Variants in GAREM1 observed in about 807,000 individuals in gnomAD.
GAREM1 encodes the protein GRB2 associated regulator of MAPK1 subtype 1, also known as GRB2-associated and regulator of MAPK protein 1.
A neutral mutation model predicts 71.3 loss-of-function variants in GAREM1; 26 were observed. That is an observed-to-expected ratio of 0.36 (90% CI 0.27 to 0.51). The LOEUF is 0.51. Among genes scored for constraint, GAREM1 ranks in the 20% least tolerant of loss-of-function variants. GAREM1 has a pLI of 0.95. For synonymous variants in GAREM1, 440 were observed against 433.2 expected, an observed-to-expected ratio of 1.02 and a Z score of -0.20; for missense variants, 1,026 against 1,103.1, an observed-to-expected ratio of 0.93 and a Z score of 0.99.
At chr18:32,291,231 G>T (rs553292375) in intron 3 of GAREM1, among the ~76,000 whole-genome samples, 1 of 143,326 alleles carries the variant, frequency 7.0e-6, no homozygotes, top group South Asian at 2.2e-4. Flanking sequence ...AAAATAAAGT[G>T]CAAAAAAAGT....
At chr18:32,315,459 T>C (rs972561058) in intron 2 of GAREM1, among the ~76,000 whole-genome samples, 3 of 147,070 alleles carry the variant, frequency 2.0e-5, no homozygotes, top group Non-Finnish European at 4.5e-5. Context: ...TAAAAGTATA[T>C]ATATAAATAT....
chr18:32,409,445 T>C (rs988927979), intron 1 of GAREM1, among the ~76,000 whole-genome samples: 2 of 152,192 alleles, frequency 1.3e-5, no homozygotes, highest in Admixed American at 6.5e-5. Context: ...CTACATTTTA[T>C]AGTTTACTGT....
In GAREM1 at chr18:32,297,858, A is replaced by G. The variant is rs77631284; in HGVS notation, c.394-9655T>C. Among the ~76,000 whole-genome samples the G allele has an allele frequency of 5.7e-3, 868 of 152,356 alleles. 34 individuals carry two copies. Among genetic ancestry groups the G allele is most frequent in the East Asian group, 0.048 (251 of 5,194 alleles). On this transcript the variant is annotated intron_variant, in intron 3 of 5. Transcript: ENST00000269209. ...ATGGAGACAGGGATAAGATGCAGAC[A>G]GGGATCCGGAAACAAAAAATGTGTT...
At chr18:32,322,697 C>A (rs1034023410) in intron 2 of GAREM1, among the ~76,000 whole-genome samples, 1 of 152,128 alleles carries the variant, frequency 6.6e-6, no homozygotes, top group African/African-American at 2.4e-5. Context: ...CAGAAGGTGC[C>A]TAATAAATGA....
intron 2 of GAREM1, among the ~76,000 whole-genome samples, chr18:32,386,005 A>G (rs1200421301): frequency 6.6e-6 from 1 of 152,218 alleles, no homozygotes; most frequent in Non-Finnish European, 1.5e-5. Flanking sequence ...GTCATCAAAA[A>G]TGGTTATTTT....
intron 2 of GAREM1, among the ~76,000 whole-genome samples, chr18:32,324,418 G>C (rs1355198725): frequency 6.6e-6 from 1 of 152,112 alleles, no homozygotes; most frequent in Non-Finnish European, 1.5e-5. Context: ...CCACAGAGGA[G>C]AGACAATAAT....
chr18:32,305,724 T>C (rs1262479539), intron 3 of GAREM1, among the ~76,000 whole-genome samples: 1 of 152,162 alleles, frequency 6.6e-6, no homozygotes, highest in Non-Finnish European at 1.5e-5. Context: ...TTCGCCACAT[T>C]GGCCAGGCAG....
chr18:32,400,076 G>T (rs575704582), intron 1 of GAREM1, among the ~76,000 whole-genome samples: 1 of 152,168 alleles, frequency 6.6e-6, no homozygotes, highest in Non-Finnish European at 1.5e-5. Context: ...ATGGGGAAAG[G>T]ATTCCCTATT....
At chr18:32,391,370 A>C (rs1363556981) in intron 2 of GAREM1, among the ~76,000 whole-genome samples, 1 of 152,224 alleles carries the variant, frequency 6.6e-6, no homozygotes, top group African/African-American at 2.4e-5. Context: ...ATCTAGCAGC[A>C]GGATGCAGTC....
chr18:32,279,059 G>A (rs920074074), intron 4 of GAREM1, among the ~76,000 whole-genome samples: 1 of 152,150 alleles, frequency 6.6e-6, no homozygotes, highest in Non-Finnish European at 1.5e-5. Flanking sequence ...GTGCTTTCAT[G>A]GACTCAGAAA....
In GAREM1 at chr18:32,267,516, A is replaced by T. The variant is rs1380227314; in HGVS notation, c.*355T>A. 2.3e-4 allele frequency: 28 copies of T among 121,534 alleles called. No individual in the cohort carries two copies. The highest frequency in any genetic ancestry group is 6.4e-4 in the East Asian group (3 of 4,710). 7.5% of individuals were successfully genotyped at this position (121,534 alleles called of 1,614,324 possible). On this transcript the variant is annotated 3_prime_UTR_variant, in exon 6 of 6. Coordinates refer to ENST00000269209, the MANE Select transcript of GAREM1 (RefSeq NM_001242409.2). ...TCAAAAGTGTTTTTTTTTTTTTTTT[A>T]AAGATTTTTATGTCTTCCAGCTTTG...
At chr18:32,354,486 TC>T (rs1428839120) in intron 2 of GAREM1, among the ~76,000 whole-genome samples, 4 of 152,164 alleles carry the variant, frequency 2.6e-5, no homozygotes, top group African/African-American at 9.7e-5. Context: ...CCACCAGCAC[TC>T]CCAGATGAGT....
intron 1 of GAREM1, among the ~76,000 whole-genome samples, chr18:32,437,650 G>C (rs2048692340): frequency 6.6e-6 from 1 of 152,046 alleles, no homozygotes; most frequent in Admixed American, 6.5e-5. Flanking sequence ...AGAAAGTCAA[G>C]GTGGTTCCAC....
At chr18:32,460,165 T>C (rs866833391) in intron 1 of GAREM1, among the ~76,000 whole-genome samples, 6 of 148,508 alleles carry the variant, frequency 4.0e-5, no homozygotes, top group Admixed American at 1.3e-4. Flanking sequence ...CCTCTACTAA[T>C]TGGAGAAAAA....
At chr18:32,328,123 C>G (rs934033964) in intron 2 of GAREM1, among the ~76,000 whole-genome samples, 2 of 152,128 alleles carry the variant, frequency 1.3e-5, no homozygotes, top group African/African-American at 4.8e-5. Context: ...TTACTCTGTT[C>G]AAAGCAGTGT....
chr18:32,328,803 T>C (rs2047497634), intron 2 of GAREM1, among the ~76,000 whole-genome samples: 1 of 152,110 alleles, frequency 6.6e-6, no homozygotes, highest in South Asian at 2.1e-4. Context: ...AAGCAAAACA[T>C]TGATTACTTT....
At chr18:32,367,240 T>TA (rs1215022118) in intron 2 of GAREM1, among the ~76,000 whole-genome samples, 1 of 152,210 alleles carries the variant, frequency 6.6e-6, no homozygotes, top group African/African-American at 2.4e-5. Context: ...ACTTACCTAA[T>TA]AGCAATAGTG....
In GAREM1 at chr18:32,268,205, T is replaced by C. The variant is rs199935566; in HGVS notation, c.2297A>G (p.Gln766Arg). The change falls in exon 6 of 6, where the codon CAG becomes CGG. Residue 766 changes from glutamine to arginine, a missense_variant. Physicochemically the swap from Gln to Arg is conservative, Grantham distance 43 (BLOSUM62 1). Transcript: ENST00000269209. ...CTGCATGCCCTTTTTAACAAAATAC[T>C]GGTCCTCCGAGAGATCTGGTGACCC... ...KSGSPDLSED[Q>R]YFVKKGMQDI... 3.5e-5 allele frequency: 56 copies of C among 1,614,178 alleles called. No homozygotes were observed. In the African/African-American group the frequency reaches 6.4e-4, roughly 18 times the overall value.
chr18:32,365,084 CCTG>C (rs2047917538), intron 2 of GAREM1, among the ~76,000 whole-genome samples: 1 of 151,808 alleles, frequency 6.6e-6, no homozygotes, highest in Admixed American at 6.6e-5. Flanking sequence ...TTTTTTTTTT[CCTG>C]CTAACACTAT....
Sources: allele counts gnomAD v4.1 joint callset (sites outside exome capture counted in the v4.1 genomes callset), GRCh38; gene constraint gnomAD v4.1.1; transcripts MANE v1.5; gene names NCBI Gene and HGNC (gene_info 2026-07-23, HGNC 2026-07-21).